Variants in SCAMP1 observed in about 807,000 individuals in gnomAD.
The protein encoded by SCAMP1 is secretory carrier-associated membrane protein 1.
SCAMP1 carries 15 observed loss-of-function variants against 41.8 expected under a neutral mutation model. That is an observed-to-expected ratio of 0.36 (90% CI 0.24 to 0.55). The LOEUF is 0.55. SCAMP1 is among the 20% of genes least tolerant of loss of function. SCAMP1 has a pLI of 0.86. For missense variants in SCAMP1, 341 were observed against 412.6 expected (o/e 0.83, Z 1.50); for synonymous variants, 135 against 136.8 (o/e 0.99, Z 0.09).
At chr5:78,406,249 A>G (rs147769238) in intron 2 of SCAMP1, among the ~76,000 whole-genome samples, 1,587 of 152,318 alleles carry the variant, frequency 0.01, 17 homozygotes, top group African/African-American at 0.031. Flanking sequence ...TTCTGAATCA[A>G]TAGGTTCATA....
At chr5:78,460,785 C>T (rs972889541) in intron 8 of SCAMP1, among the ~76,000 whole-genome samples, 36 of 43,462 alleles carry the variant, frequency 8.3e-4, no homozygotes, top group African/African-American at 3.9e-3. Context: ...TCCTTCCTTC[C>T]TTCCTTCCTT....
At chr5:78,389,161 T>C (rs1238677784) in intron 2 of SCAMP1, among the ~76,000 whole-genome samples, 1 of 152,226 alleles carries the variant, frequency 6.6e-6, no homozygotes, top group Non-Finnish European at 1.5e-5. Context: ...ATCACAATAA[T>C]CTTTCTAAAA....
At chr5:78,440,483 CTGTT>C (rs1296841544) in intron 6 of SCAMP1, among the ~76,000 whole-genome samples, 2 of 152,170 alleles carry the variant, frequency 1.3e-5, no homozygotes, top group Non-Finnish European at 2.9e-5. Context: ...CCACTCCAGA[CTGTT>C]TGCCTTGGTA....
At chr5:78,384,637 C>T (rs1319500236) in intron 1 of SCAMP1, among the ~76,000 whole-genome samples, 2 of 151,890 alleles carry the variant, frequency 1.3e-5, no homozygotes, top group Non-Finnish European at 2.9e-5. Context: ...CCTTTTATGC[C>T]GATTTTGCTG....
At chr5:78,360,935 G>C (rs1214714233) in intron 1 of SCAMP1, 2 of 570,718 alleles carry the variant, frequency 3.5e-6, no homozygotes, top group East Asian at 6.3e-5. Context: ...AACCTCCTCA[G>C]CTCGTGCCCG....
chr5:78,424,268 A>G (rs188885099), intron 6 of SCAMP1, among the ~76,000 whole-genome samples: 74 of 152,338 alleles, frequency 4.9e-4, no homozygotes, highest in African/African-American at 1.8e-3. Flanking sequence ...ATTTCCTTAT[A>G]TTGATATATT....
chr5:78,376,109 C>T (rs368893873), intron 1 of SCAMP1, among the ~76,000 whole-genome samples: 2 of 152,222 alleles, frequency 1.3e-5, no homozygotes, highest in African/African-American at 4.8e-5. Context: ...GGGGGCATCA[C>T]GGTCCTACCG....
intron 8 of SCAMP1, among the ~76,000 whole-genome samples, chr5:78,460,415 C>G (rs965147642): frequency 6.6e-6 from 1 of 152,108 alleles, no homozygotes; most frequent in Non-Finnish European, 1.5e-5. Context: ...TTGCCAACAT[C>G]TGTTGTTTTT....
At chr5:78,363,896 A>G (rs1048003729) in intron 1 of SCAMP1, among the ~76,000 whole-genome samples, 1 of 152,178 alleles carries the variant, frequency 6.6e-6, no homozygotes, top group Non-Finnish European at 1.5e-5. Context: ...AATGGCTTTC[A>G]TTGCGCATCA....
intron 1 of SCAMP1, among the ~76,000 whole-genome samples, chr5:78,361,663 C>T (rs1750656673): frequency 6.6e-6 from 1 of 152,218 alleles, no homozygotes; most frequent in African/African-American, 2.4e-5. Context: ...TCTGAATTTC[C>T]TAATGAGTGT....
chr5:78,378,778 T>C (rs927902558), intron 1 of SCAMP1, among the ~76,000 whole-genome samples: 1 of 152,248 alleles, frequency 6.6e-6, no homozygotes, highest in Non-Finnish European at 1.5e-5. Context: ...ATATCTTTAC[T>C]TGCTACTTAG....
At chr5:78,431,841 G>T (rs927103487) in intron 6 of SCAMP1, among the ~76,000 whole-genome samples, 2 of 151,820 alleles carry the variant, frequency 1.3e-5, no homozygotes, top group African/African-American at 4.8e-5. Context: ...ATTTGAATGG[G>T]TACATAGGAG....
At chr5:78,423,352 C>G (rs1752387561) in intron 6 of SCAMP1, among the ~76,000 whole-genome samples, 1 of 152,150 alleles carries the variant, frequency 6.6e-6, no homozygotes, top group Non-Finnish European at 1.5e-5. Flanking sequence ...CATAGTTACT[C>G]CTTGCATGAT....
chr5:78,455,519 T>G (rs1344474619), intron 7 of SCAMP1, among the ~76,000 whole-genome samples: 1 of 129,098 alleles, frequency 7.7e-6, no homozygotes, highest in Non-Finnish European at 1.6e-5. Context: ...AATCCTGAGT[T>G]CTAGTTTGAT....
intron 1 of SCAMP1, among the ~76,000 whole-genome samples, chr5:78,383,263 C>T (rs1019340354): frequency 6.6e-6 from 1 of 152,062 alleles, no homozygotes; most frequent in Admixed American, 6.6e-5. Flanking sequence ...TATTCATGTC[C>T]TTAGCCCACT....
At chr5:78,434,208 ACT>A (rs1044948180) in intron 6 of SCAMP1, among the ~76,000 whole-genome samples, 1 of 151,988 alleles carries the variant, frequency 6.6e-6, no homozygotes, top group African/African-American at 2.4e-5. Flanking sequence ...GGGGTTCTGT[ACT>A]CTCTCTAACC....
At chr5:78,404,523 T>C (rs1019298688) in intron 2 of SCAMP1, among the ~76,000 whole-genome samples, 1 of 149,848 alleles carries the variant, frequency 6.7e-6, no homozygotes, top group Non-Finnish European at 1.5e-5. Context: ...TAATTAGGTC[T>C]TTAGTTGTGT....
intron 2 of SCAMP1, among the ~76,000 whole-genome samples, chr5:78,414,432 G>A (rs574681498): frequency 2.6e-5 from 4 of 151,814 alleles, no homozygotes; most frequent in Non-Finnish European, 5.9e-5. Context: ...GCAGGCGCCC[G>A]CCGCCACACC....
At chr5:78,377,160 T>G (rs1008243700) in intron 1 of SCAMP1, among the ~76,000 whole-genome samples, 2 of 152,188 alleles carry the variant, frequency 1.3e-5, no homozygotes, top group Admixed American at 1.3e-4. Flanking sequence ...TGAAAACTTC[T>G]GTAACACAAA....
Sources: allele counts gnomAD v4.1 joint callset (sites outside exome capture counted in the v4.1 genomes callset), GRCh38; gene constraint gnomAD v4.1.1; transcripts MANE v1.5; gene names NCBI Gene and HGNC (gene_info 2026-07-23, HGNC 2026-07-21).